CLIP1: variants seen among roughly 807,000 people sequenced by gnomAD.
CLIP1 encodes CAP-Gly domain containing linker protein 1.
In CLIP1, 66 loss-of-function variants were observed where a neutral mutation model predicts 161.6. That is an observed-to-expected ratio of 0.41 (90% CI 0.33 to 0.50). CLIP1 has a LOEUF of 0.50. Ranked by LOEUF, CLIP1 falls within the 20% of genes least tolerant of loss-of-function variation. The pLI, the probability that CLIP1 is intolerant of heterozygous loss-of-function variation, is 0.27. For missense variants in CLIP1, 1,376 were observed against 1,702.0 expected (o/e 0.81, Z 3.37); for synonymous variants, 598 against 626.2 (o/e 0.96, Z 0.67).
intron 24 of CLIP1, chr12:122,275,157 T>C (rs1422721180): frequency 1.3e-5 from 2 of 152,168 alleles, no homozygotes; most frequent in Middle Eastern, 3.4e-3. Context: ...GCTGAAATTA[T>C]TCCTAAACAT....
intron 20 of CLIP1, among the ~76,000 whole-genome samples, chr12:122,295,791 T>C (rs1185045799): frequency 6.6e-6 from 1 of 152,256 alleles, no homozygotes; most frequent in Non-Finnish European, 1.5e-5. Context: ...CGGGACTCTG[T>C]TATTAGGTAC....
chr12:122,291,139 C>A (rs547801371), intron 20 of CLIP1, among the ~76,000 whole-genome samples: 3 of 151,366 alleles, frequency 2.0e-5, no homozygotes, highest in African/African-American at 4.9e-5. Flanking sequence ...GTGATCCACC[C>A]GCCTCAGCCA....
At position 122,299,612 on chromosome 12, in the gene CLIP1, CAAAAA is replaced by C. The variant is rs71082962; in HGVS notation, c.3594+10145_3594+10149del. ...TTTTGTTTTTAAAGAATAAATTCAGCAAAAAAAAAAAAAAAAAAAAGATGCCGGGC... is the reference window on the plus strand; with the variant it reads ...TTTTGTTTTTAAAGAATAAATTCAGCAAAAAAAAAAAAAAAGATGCCGGGC... On this transcript the variant is annotated intron_variant, in intron 20 of 25. Transcript: ENST00000620786. Among the ~76,000 whole-genome samples the C allele has an allele frequency of 9.1e-4, 57 of 62,518 alleles. 2 individuals are homozygous for C. The Admixed American group carries it at 9.2e-3, about 10-fold the overall frequency. The allele number at this position is 62,518 out of a possible 152,430, so 41.0% of individuals were successfully genotyped here.
chr12:122,321,461 G>A (rs2136656198), intron 17 of CLIP1, among the ~76,000 whole-genome samples: 1 of 152,112 alleles, frequency 6.6e-6, no homozygotes, highest in East Asian at 1.9e-4. Flanking sequence ...GGTTAGGCTG[G>A]TCTCGAACTC....
At chr12:122,307,773 T>C (rs1950925870) in intron 20 of CLIP1, among the ~76,000 whole-genome samples, 1 of 152,188 alleles carries the variant, frequency 6.6e-6, no homozygotes, top group Non-Finnish European at 1.5e-5. Flanking sequence ...GGTGGCTCAC[T>C]CCACTCTTTT....
chr12:122,309,363 T>C (rs1047216953), intron 20 of CLIP1, among the ~76,000 whole-genome samples: 2 of 152,184 alleles, frequency 1.3e-5, no homozygotes, highest in Non-Finnish European at 2.9e-5. Context: ...ACCAAATCTA[T>C]ATTCTTGGAA....
At chr12:122,412,867 C>A (rs1956594473) in intron 1 of CLIP1, among the ~76,000 whole-genome samples, 1 of 151,840 alleles carries the variant, frequency 6.6e-6, no homozygotes, top group South Asian at 2.1e-4. Context: ...AAAAAATAAA[C>A]CTGAGACCCT....
In CLIP1 at chr12:122,382,200, A is replaced by G. The variant is rs548361954; in HGVS notation, c.-106-1642T>C. On this transcript the variant is annotated intron_variant, in intron 1 of 25. Coordinates refer to ENST00000620786, the MANE Select transcript of CLIP1 (RefSeq NM_001247997.2). ...AACATGGAGAAACTCTGTCTCTACT[A>G]AAAATATAAAATTAGCCGGGCATGG... is the stretch of plus-strand genomic sequence containing the variant. Among the ~76,000 whole-genome samples the G allele has an allele frequency of 1.3e-3, 204 of 152,256 alleles. 2 individuals are homozygous for G. The highest frequency in any genetic ancestry group is 2.5e-3 in the Non-Finnish European group (168 of 68,024).
chr12:122,307,360 A>G (rs532742881), intron 20 of CLIP1, among the ~76,000 whole-genome samples: 17 of 152,116 alleles, frequency 1.1e-4, no homozygotes, highest in African/African-American at 3.9e-4. Flanking sequence ...ACTATCTCTG[A>G]GGTAGGTTGT....
At chr12:122,397,151 C>T (rs1012271125) in intron 1 of CLIP1, among the ~76,000 whole-genome samples, 2 of 151,792 alleles carry the variant, frequency 1.3e-5, no homozygotes, top group Non-Finnish European at 2.9e-5. Context: ...TGACTGAGTT[C>T]TAGCCAGTGG....
At chr12:122,419,862 G>T (rs1304194322) in intron 1 of CLIP1, among the ~76,000 whole-genome samples, 5 of 149,046 alleles carry the variant, frequency 3.4e-5, no homozygotes. Context: ...CTTGAGCCTG[G>T]GAAGCGGAGG....
intron 1 of CLIP1, among the ~76,000 whole-genome samples, chr12:122,415,869 C>T (rs141541879): frequency 0.012 from 1,837 of 152,068 alleles, 18 homozygotes; most frequent in Non-Finnish European, 0.017. Flanking sequence ...CTAAAAAGGA[C>T]GGCTTTGTTA....
At chr12:122,356,624 CT>C (rs1277477461) in intron 5 of CLIP1, among the ~76,000 whole-genome samples, 5 of 151,900 alleles carry the variant, frequency 3.3e-5, no homozygotes, top group Non-Finnish European at 7.4e-5. Context: ...CTCTCCCTCT[CT>C]CCCTCTCCCT....
intron 1 of CLIP1, among the ~76,000 whole-genome samples, chr12:122,394,765 A>C (rs534560525): frequency 6.6e-6 from 1 of 152,062 alleles, no homozygotes; most frequent in East Asian, 1.9e-4. Flanking sequence ...GCGCGCCTGT[A>C]ATCCCAGCTC....
intron 7 of CLIP1, among the ~76,000 whole-genome samples, chr12:122,353,343 A>G (rs1054932164): frequency 1.3e-5 from 2 of 152,194 alleles, no homozygotes; most frequent in Admixed American, 1.3e-4. Context: ...CCTTGTCTCA[A>G]AAAGAAAAAA....
intron 1 of CLIP1, among the ~76,000 whole-genome samples, chr12:122,404,412 C>A (rs905447083): frequency 6.6e-6 from 1 of 151,572 alleles, no homozygotes; most frequent in Non-Finnish European, 1.5e-5. Flanking sequence ...TCGGGCTGGC[C>A]AACATGGTGA....
At chr12:122,276,345 G>T in intron 24 of CLIP1, 4 of 1,214,722 alleles carry the variant, frequency 3.3e-6, no homozygotes, top group Admixed American at 3.2e-5. Flanking sequence ...TCAGGAAGAA[G>T]AAAAAGCCAC....
intron 1 of CLIP1, among the ~76,000 whole-genome samples, chr12:122,414,140 G>T (rs946317653): frequency 2.0e-5 from 3 of 148,332 alleles, no homozygotes; most frequent in African/African-American, 7.3e-5. Flanking sequence ...TTTGTTTTTT[G>T]TTTGTTTGTT....
intron 20 of CLIP1, among the ~76,000 whole-genome samples, chr12:122,293,794 T>G (rs891470977): frequency 2.8e-5 from 3 of 107,354 alleles, no homozygotes; most frequent in African/African-American, 1.6e-4. Flanking sequence ...TTTGTTTTTT[T>G]TTTTGTTTTT....
Sources: allele counts gnomAD v4.1 joint callset (sites outside exome capture counted in the v4.1 genomes callset), GRCh38; gene constraint gnomAD v4.1.1; transcripts MANE v1.5; gene names NCBI Gene and HGNC (gene_info 2026-07-23, HGNC 2026-07-21).